Variants in SARDH observed in about 807,000 individuals in gnomAD.
The protein encoded by SARDH is sarcosine dehydrogenase, mitochondrial.
Under a neutral mutation model 109.1 loss-of-function variants are expected in SARDH, and 95 were observed. The ratio of observed to expected loss-of-function variants is 0.87; its 90% CI spans 0.74 to 1.03. The LOEUF is 1.03. Ranked by LOEUF, SARDH falls within the 50% of genes least tolerant of loss-of-function variation. The pLI is 0.00. For missense variants in SARDH, 1,267 were observed against 1,287.8 expected (o/e 0.98, Z 0.25); for synonymous variants, 572 against 534.8 (o/e 1.07, Z -0.96).
rs777496435 is a variant in SARDH at position 133,734,147 on chromosome 9, A to G, written c.27T>C (p.Arg9=). The change falls in exon 2 of 21, where the codon CGT becomes CGC. Residue 9 remains arginine (R), a synonymous_variant. Transcript: ENST00000439388. The part of the protein sequence containing the change: MASLSRAL[R]VAAAHPRQSP... ...TCTGGCGAGGGTGGGCAGCAGCCAC[A>G]CGTAGGGCTCGGCTCAGTGAGGCCA... The G allele has an allele frequency of 6.2e-7, 1 of 1,605,250 alleles. No homozygotes were observed. The highest frequency in any genetic ancestry group is 2.2e-5 in the East Asian group (1 of 44,724).
Position 133,734,082 on chromosome 9 carries a change from G to C in SARDH, c.92C>G (p.Ala31Gly), listed in dbSNP as rs754932173. 1 of 1,612,988 alleles carries C rather than the reference G, an allele frequency of 6.2e-7. No individual in the cohort carries two copies. Among genetic ancestry groups the C allele is most frequent in the Admixed American group, 1.7e-5 (1 of 59,994 alleles). ...RGMGPCNLSS[A>G]AGPTAEKSVP... ...ACTCTTCTCGGCTGTGGGGCCAGCT[G>C]CGCTGGACAGGTTGCATGGCCCCAT... is the stretch of plus-strand genomic sequence containing the variant. Residue 31 changes from alanine to glycine, a missense_variant, in exon 2 of 21, where the codon GCA (alanine) becomes GGA (glycine). By Grantham distance (60) the Ala-to-Gly change is moderately conservative. Coordinates refer to ENST00000439388, the MANE Select transcript of SARDH (RefSeq NM_001134707.2).
In SARDH at chr9:133,730,157, G is replaced by T; in HGVS notation, c.721C>A (p.Arg241Ser). The T allele has an allele frequency of 6.2e-7, 1 of 1,614,208 alleles. No homozygotes were observed. Among genetic ancestry groups the T allele is most frequent in the Non-Finnish European group, 8.5e-7 (1 of 1,180,050 alleles). The change falls in exon 5 of 21, where the codon CGT (arginine) becomes AGT (serine). Residue 241 changes from arginine to serine, a missense_variant. Coordinates refer to ENST00000439388, the MANE Select transcript of SARDH (RefSeq NM_001134707.2). ...ACCCCAAAATCATCCGTCCACACAC[G>T]AATGCCGGTCACTGGGCAGTTCTCA... ...VIENCPVTGIRVWTDDFGVRR... is the reference protein window; with the variant it reads ...VIENCPVTGISVWTDDFGVRR...
At chr9:133,694,732 C>T (rs1429748395) in intron 14 of SARDH, among the ~76,000 whole-genome samples, 1 of 152,262 alleles carries the variant, frequency 6.6e-6, no homozygotes, top group Non-Finnish European at 1.5e-5. Context: ...GGGCTCCTAG[C>T]TCCGTGCCTG....
intron 6 of SARDH, among the ~76,000 whole-genome samples, chr9:133,723,973 G>A (rs1418022522): frequency 6.6e-6 from 1 of 152,054 alleles, no homozygotes; most frequent in African/African-American, 2.4e-5. Flanking sequence ...AAGTATAAGA[G>A]CTAAAACTAT....
At chr9:133,680,754 C>T (rs1042793310) in intron 17 of SARDH, among the ~76,000 whole-genome samples, 12 of 148,954 alleles carry the variant, frequency 8.1e-5, no homozygotes, top group East Asian at 1.9e-4. Flanking sequence ...CAGACCTGGC[C>T]GCCAGGCCCA....
intron 1 of SARDH, among the ~76,000 whole-genome samples, chr9:133,736,269 C>A (rs1042830709): frequency 6.6e-6 from 1 of 152,270 alleles, no homozygotes; most frequent in Non-Finnish European, 1.5e-5. Context: ...AATCCTCTCT[C>A]TCCCAGGGTG....
At chr9:133,667,743 C>A (rs1830124658) in intron 19 of SARDH, among the ~76,000 whole-genome samples, 1 of 152,172 alleles carries the variant, frequency 6.6e-6, no homozygotes, top group Admixed American at 6.5e-5. Flanking sequence ...GCACCTCCTG[C>A]ATCCTCAGCC....
intron 8 of SARDH, among the ~76,000 whole-genome samples, chr9:133,715,182 T>C (rs773128444): frequency 5.3e-5 from 8 of 152,206 alleles, no homozygotes; most frequent in Non-Finnish European, 1.0e-4. Context: ...CCATTGGCCG[T>C]GCCTGGCAAG....
chr9:133,717,060 G>A (rs969277185), intron 8 of SARDH, among the ~76,000 whole-genome samples: 1 of 152,202 alleles, frequency 6.6e-6, no homozygotes, highest in African/African-American at 2.4e-5. Context: ...GGGAAGCCAG[G>A]ACCAGCCACC....
At chr9:133,729,412 C>G (rs1832596905) in intron 6 of SARDH, among the ~76,000 whole-genome samples, 1 of 152,104 alleles carries the variant, frequency 6.6e-6, no homozygotes, top group Non-Finnish European at 1.5e-5. Flanking sequence ...ACACTGAGAG[C>G]ATGCAAACAT....
In SARDH at chr9:133,734,072, G is replaced by T. The variant is rs753829578; in HGVS notation, c.102C>A (p.Pro34=). 2 of 1,613,210 alleles carry T rather than the reference G, an allele frequency of 1.2e-6. No individual in the cohort carries two copies. Among genetic ancestry groups the T allele is most frequent in the Non-Finnish European group, 1.7e-6 (2 of 1,179,944 alleles). ...GATATGGCACACTCTTCTCGGCTGT[G>T]GGGCCAGCTGCGCTGGACAGGTTGC... The part of the protein sequence containing the change: ...GPCNLSSAAG[P]TAEKSVPYQR... Residue 34 remains proline, a synonymous_variant, in exon 2 of 21, where the codon CCC becomes CCA. Transcript: ENST00000439388.
intron 15 of SARDH, among the ~76,000 whole-genome samples, chr9:133,690,766 C>A (rs1831063070): frequency 6.6e-6 from 1 of 152,158 alleles, no homozygotes; most frequent in Non-Finnish European, 1.5e-5. Flanking sequence ...CTACCACCCA[C>A]CCCTCTGCAG....
chr9:133,679,557 G>A (rs1020720075), intron 17 of SARDH, among the ~76,000 whole-genome samples: 4 of 152,242 alleles, frequency 2.6e-5, no homozygotes, highest in African/African-American at 7.2e-5. Context: ...GGAACACCGT[G>A]TCTGGCCGAG....
At chr9:133,671,475 A>G (rs2131334082) in intron 18 of SARDH, 60 bp downstream of exon 18, 2 of 1,485,900 alleles carry the variant, frequency 1.3e-6, no homozygotes, top group East Asian at 2.6e-5. Context: ...AGGTGTCTCG[A>G]GCGTCACTGC....
rs1378820430 is a variant in SARDH at position 133,704,233 on chromosome 9, G to C, written c.1554+715C>G. On this transcript the variant is annotated intron_variant, in intron 12 of 20. Coordinates refer to ENST00000439388, the MANE Select transcript of SARDH (RefSeq NM_001134707.2). This position sits in a 1 kb window ranked among gnomAD's most constrained non-coding sequence, Gnocchi z 4.5. ...GGAGCTCTGGAGCCTGGCCTGGGCT[G>C]TGGGTTGCCATGGGGATGGAAGGTG... Among the ~76,000 whole-genome samples the C allele has an allele frequency of 1.3e-5, 2 of 152,156 alleles. No homozygotes were observed. Among genetic ancestry groups the C allele is most frequent in the Non-Finnish European group, 2.9e-5 (2 of 68,022 alleles).
chr9:133,722,652 T>G (rs969005397), intron 6 of SARDH, among the ~76,000 whole-genome samples: 25 of 95,494 alleles, frequency 2.6e-4, no homozygotes, highest in Non-Finnish European at 5.1e-4. Context: ...GCTCTCTCTC[T>G]CTCTCTCTCT....
intron 6 of SARDH, among the ~76,000 whole-genome samples, chr9:133,721,008 G>A (rs532117647): frequency 6.6e-6 from 1 of 152,020 alleles, no homozygotes; most frequent in Non-Finnish European, 1.5e-5. Flanking sequence ...AATCAGGAGT[G>A]GAAAAAAAAT....
In SARDH at chr9:133,693,994, G is replaced by A. The variant is rs2131390514; in HGVS notation, c.1921+264C>T. ...AAACCGAGCCGAGCACGCCCACACT[G>A]CAGCCACTCCGAACCGCAACAGCGT... On this transcript the variant is annotated intron_variant, in intron 15 of 20. Transcript: ENST00000439388. This position sits in a 1 kb window ranked among gnomAD's most constrained non-coding sequence, Gnocchi z 5.6. Among the ~76,000 whole-genome samples the A allele has an allele frequency of 6.6e-6, 1 of 152,372 alleles. No homozygotes were observed. The highest frequency in any genetic ancestry group is 2.1e-4 in the South Asian group (1 of 4,834).
In SARDH at chr9:133,663,806, G is replaced by T; in HGVS notation, c.*83C>A. On this transcript the variant is annotated 3_prime_UTR_variant, in exon 21 of 21. Coordinates refer to ENST00000439388, the MANE Select transcript of SARDH (RefSeq NM_001134707.2). ...ACAGGGAGGGCACAAGTTCTGGCTGGGTCCAGGGTCCTGGGACCCAGGGCC... is the reference window on the plus strand; with the variant it reads ...ACAGGGAGGGCACAAGTTCTGGCTGTGTCCAGGGTCCTGGGACCCAGGGCC... 5.1e-6 allele frequency: 8 copies of T among 1,567,732 alleles called. No homozygotes were observed. The highest frequency in any genetic ancestry group is 6.9e-6 in the Non-Finnish European group (8 of 1,152,936).
Sources: gnomAD v4.1 joint callset for allele counts (sites outside exome capture counted in the v4.1 genomes callset) on GRCh38, gnomAD v4.1.1 for gene constraint, Gnocchi (gnomAD v3.1) non-coding constraint, MANE v1.5 for transcripts, NCBI Gene and HGNC (gene_info 2026-07-23, HGNC 2026-07-21) for gene names.